CCDC102A: variants seen among roughly 807,000 people sequenced by gnomAD.
CCDC102A encodes the protein coiled-coil domain-containing protein 102A.
CCDC102A carries 40 observed loss-of-function variants against 55.5 expected under a neutral mutation model. That is an observed-to-expected ratio of 0.72 (90% confidence interval 0.56 to 0.94). The LOEUF is 0.94. CCDC102A is among the 40% of genes least tolerant of loss of function. The pLI is 0.00. For synonymous variants in CCDC102A, 323 were observed against 339.0 expected (o/e 0.95, Z 0.52); for missense variants, 779 against 768.6 (o/e 1.01, Z -0.16).
rs771934534 is a variant in CCDC102A, at chr16:57,525,905, G to A, written c.808C>T (p.Arg270Ter). 16 of 1,611,762 alleles carry A rather than the reference G, an allele frequency of 9.9e-6. No homozygotes were observed. Among genetic ancestry groups the A allele is most frequent in the African/African-American group, 4.0e-5 (3 of 74,764 alleles). ...CTCCCGCCTCCCACGACTCACTCTCGCTCCTTGAGCAGCACCTTCTGGGAC... is the reference window on the plus strand; with the variant it reads ...CTCCCGCCTCCCACGACTCACTCTCACTCCTTGAGCAGCACCTTCTGGGAC... ...DESQKVLLKE[R>*]EDKLALSRNI... Residue 270 changes from arginine (R) to a stop codon, truncating the protein, a stop_gained, in exon 3 of 9, where the codon CGA (arginine) becomes TGA (stop). Transcript: ENST00000258214. LOFTEE classifies it high-confidence loss of function.
At chr16:57,517,895 T>C (rs2031982277) in intron 6 of CCDC102A, among the ~76,000 whole-genome samples, 173 bp downstream of exon 6, 1 of 152,236 alleles carries the variant, frequency 6.6e-6, no homozygotes, top group African/African-American at 2.4e-5. Context: ...TGGCACATAG[T>C]AAGTGCTCAA....
rs746617070 is a variant in CCDC102A at position 57,518,666 on chromosome 16, G to A, written c.997C>T (p.Arg333Cys). ...GCCATTTTCCGGTCCATGCTGGAGC[G>A]TGCACCGAGCTCATCTTCCAGGTCC... ...SEDLEDELGA[R>C]SSMDRKMAEL... is the part of the protein sequence containing the mutation. The change falls in exon 5 of 9, where the codon CGC becomes TGC. Residue 333 changes from arginine (R) to cysteine (C), a missense_variant. By Grantham distance (180) the Arg-to-Cys change is radical. Transcript: ENST00000258214. 10 of 1,613,668 alleles carry A rather than the reference G, an allele frequency of 6.2e-6. No homozygotes were observed. Among genetic ancestry groups the A allele is most frequent in the African/African-American group, 2.7e-5 (2 of 74,920 alleles).
chr16:57,525,857 C>G (rs374361397), intron 3 of CCDC102A, 44 bp downstream of exon 3: 4 of 1,554,640 alleles, frequency 2.6e-6, no homozygotes. Context: ...CGTTGTAGCA[C>G]GGCCTGGCCC....
At position 57,526,107 on chromosome 16, in the gene CCDC102A, G is replaced by T; in HGVS notation, c.606C>A (p.Ser202Arg). 1.9e-6 allele frequency: 3 copies of T among 1,554,778 alleles called. No homozygotes were observed. Among genetic ancestry groups the T allele is most frequent in the South Asian group, 2.4e-5 (2 of 84,842 alleles). Residue 202 changes from serine (S) to arginine (R), a missense_variant, in exon 3 of 9, where the codon AGC becomes AGA. Coordinates refer to ENST00000258214, the MANE Select transcript of CCDC102A (RefSeq NM_033212.4). ...PGSQELELVE[S>R]LLKSMPEESE... ...ACTCCTCTGGCATGCTCTTCAGCAG[G>T]CTCTCCACCAGCTCCAGTTCCTGCG...
intron 1 of CCDC102A, among the ~76,000 whole-genome samples, chr16:57,530,776 C>T (rs1836204142): frequency 6.6e-6 from 1 of 152,002 alleles, no homozygotes; most frequent in Non-Finnish European, 1.5e-5. Flanking sequence ...ACACCTTCTT[C>T]TCCCCTCCCC....
At position 57,528,744 on chromosome 16, in the gene CCDC102A, T is replaced by A; in HGVS notation, c.434A>T (p.Glu145Val). ...CCGTGCCTCGCACTCGCCCTGCGCC[T>A]CTTGGCGCTCGCGCCGTGCGCCCGC... The part of the protein sequence containing the change: ...ELAGARRERQ[E>V]AQGECEARGR... Residue 145 changes from glutamate to valine, a missense_variant, in exon 2 of 9, where the codon GAG becomes GTG. Transcript: ENST00000258214. 1 of 1,173,190 alleles carries A rather than the reference T, an allele frequency of 8.5e-7. No homozygotes were observed. Among genetic ancestry groups the A allele is most frequent in the Non-Finnish European group, 1.1e-6 (1 of 942,068 alleles). 72.7% of individuals were successfully genotyped at this position (1,173,190 alleles called of 1,614,324 possible).
chr16:57,520,571 C>CATAACATAAG (rs1311044495), intron 4 of CCDC102A, among the ~76,000 whole-genome samples: 29 of 133,088 alleles, frequency 2.2e-4, no homozygotes, highest in African/African-American at 8.2e-4. Context: ...CATAACATAA[C>CATAACATAAG]ATAACATAAC....
intron 3 of CCDC102A, among the ~76,000 whole-genome samples, chr16:57,524,722 A>G (rs1207426218): frequency 2.7e-5 from 2 of 75,036 alleles, no homozygotes; most frequent in Non-Finnish European, 5.1e-5. Context: ...TTGATTTTTT[A>G]AAAAGGAGTG....
intron 3 of CCDC102A, among the ~76,000 whole-genome samples, 164 bp downstream of exon 3, chr16:57,525,737 A>T (rs1002520808): frequency 1.3e-5 from 2 of 152,254 alleles, no homozygotes; most frequent in Non-Finnish European, 2.9e-5. Flanking sequence ...ATGAATAAAT[A>T]AAAACTTGCA....
In CCDC102A at chr16:57,512,880, G is replaced by A. The variant is rs751757226; in HGVS notation, c.1524-10C>T. ...CTGCTGCCTGCGGAGCCTGTGGGGTGGGGGTGACAGGAGGTTAGAGCAGCC... is the reference window on the plus strand; with the variant it reads ...CTGCTGCCTGCGGAGCCTGTGGGGTAGGGGTGACAGGAGGTTAGAGCAGCC... On this transcript the variant is annotated splice_polypyrimidine_tract_variant and intron_variant, in intron 8 of 8. Coordinates refer to ENST00000258214, the MANE Select transcript of CCDC102A (RefSeq NM_033212.4). 1.2e-6 allele frequency: 2 copies of A among 1,611,366 alleles called. No homozygotes were observed. The highest frequency in any genetic ancestry group is 1.7e-6 in the Non-Finnish European group (2 of 1,179,100).
intron 2 of CCDC102A, among the ~76,000 whole-genome samples, chr16:57,527,667 G>A (rs1427220574): frequency 1.3e-5 from 2 of 152,158 alleles, no homozygotes; most frequent in African/African-American, 4.8e-5. Flanking sequence ...TGATCCACCA[G>A]CTTTGGCCTC....
intron 1 of CCDC102A, among the ~76,000 whole-genome samples, chr16:57,533,462 C>T (rs534027521): frequency 6.6e-6 from 1 of 151,470 alleles, no homozygotes; most frequent in East Asian, 2.0e-4. Context: ...TCACATACAG[C>T]CCCAGTAATG....
In CCDC102A at chr16:57,521,116, C is replaced by T; in HGVS notation, c.873G>A (p.Lys291=). The change falls in exon 4 of 9, where the codon AAG becomes AAA. Residue 291 remains lysine (K), a synonymous_variant. Transcript: ENST00000258214. The stretch of plus-strand genomic sequence containing the variant: ...TCTTGCTCAGCTCCTCATACTTGAT[C>T]TTCCACTGGCTGAGCTCCCCCTCTA... The part of the protein sequence containing the change: ...EKLEGELSQW[K]IKYEELSKTK... 1.2e-6 allele frequency: 2 copies of T among 1,613,704 alleles called. No homozygotes were observed. Among genetic ancestry groups the T allele is most frequent in the Non-Finnish European group, 1.7e-6 (2 of 1,180,008 alleles).
chr16:57,536,982 TC>T (rs1459072952), upstream of CCDC102A, among the ~76,000 whole-genome samples: 1 of 152,144 alleles, frequency 6.6e-6, no homozygotes, highest in African/African-American at 2.4e-5. Flanking sequence ...CTGGGCCAGC[TC>T]TGCCACCGAG....
At chr16:57,530,487 G>T (rs2032236448) in intron 1 of CCDC102A, among the ~76,000 whole-genome samples, 2 of 152,128 alleles carry the variant, frequency 1.3e-5, no homozygotes, top group African/African-American at 2.4e-5. Flanking sequence ...TGTACTGTCG[G>T]TGGGACTCGG....
At position 57,516,480 on chromosome 16, in the gene CCDC102A, T is replaced by C. The variant is rs1193327237; in HGVS notation, c.1249-17A>G. 1 of 1,529,856 alleles carries C rather than the reference T, an allele frequency of 6.5e-7. No homozygotes were observed. Among genetic ancestry groups the C allele is most frequent in the South Asian group, 1.1e-5 (1 of 89,278 alleles). The allele number at this position is 1,529,856 out of a possible 1,614,324, so 94.8% of individuals were successfully genotyped here. A position where few individuals can be genotyped will look rare whatever the true frequency, so the allele number is the denominator to read the frequency against. ...TGCCAGCTCCTACAGGGCACAGGGA[T>C]GGGGTGGGAGGGAGGAGGGAATCAG... On this transcript the variant is annotated splice_polypyrimidine_tract_variant and intron_variant, in intron 6 of 8. Coordinates refer to ENST00000258214, the MANE Select transcript of CCDC102A (RefSeq NM_033212.4). This position sits in a 1 kb window ranked among gnomAD's most constrained non-coding sequence, Gnocchi z 4.4.
chr16:57,523,028 G>A (rs1397958736), intron 3 of CCDC102A, among the ~76,000 whole-genome samples: 1 of 152,116 alleles, frequency 6.6e-6, no homozygotes, highest in Non-Finnish European at 1.5e-5. Context: ...TTAGCTGGGC[G>A]TGGTGGTGTG....
chr16:57,534,214 G>A (rs2146724290), intron 1 of CCDC102A, among the ~76,000 whole-genome samples: 1 of 152,162 alleles, frequency 6.6e-6, no homozygotes, highest in Admixed American at 6.5e-5. Context: ...AGCCTGGCAA[G>A]CTGCCATCTC....
chr16:57,533,416 G>A (rs1377815107), intron 1 of CCDC102A, among the ~76,000 whole-genome samples: 1 of 151,456 alleles, frequency 6.6e-6, no homozygotes, highest in Non-Finnish European at 1.5e-5. Flanking sequence ...CCCCTACCCT[G>A]CCCCACTCAT....
Sources: gnomAD v4.1 joint callset for allele counts (sites outside exome capture counted in the v4.1 genomes callset) on GRCh38, gnomAD v4.1.1 for gene constraint, Gnocchi (gnomAD v3.1) non-coding constraint, MANE v1.5 for transcripts, NCBI Gene and HGNC (gene_info 2026-07-23, HGNC 2026-07-21) for gene names.